Variants in ASCC3 observed in about 807,000 individuals in gnomAD.
The protein encoded by ASCC3 is activating signal cointegrator 1 complex subunit 3, also known as ASC-1 complex subunit P200.
ASCC3 carries 158 observed loss-of-function variants against 256.3 expected under a neutral mutation model. The ratio of observed to expected loss-of-function variants is 0.62; its 90% CI spans 0.54 to 0.70. The LOEUF is 0.70. ASCC3 is among the 30% of genes least tolerant of loss of function. ASCC3 has a pLI of 0.00. For synonymous variants in ASCC3, 948 were observed against 883.4 expected (o/e 1.07, Z -1.30); for missense variants, 2,259 against 2,626.0 (o/e 0.86, Z 3.05).
chr6:100,831,027 A>G (rs1771594084), intron 4 of ASCC3, among the ~76,000 whole-genome samples: 1 of 152,176 alleles, frequency 6.6e-6, no homozygotes, highest in African/African-American at 2.4e-5. Context: ...CTAGTTTTCA[A>G]TTTTAACCCT....
rs114546368 is a variant in ASCC3 at position 100,570,519 on chromosome 6, T to A, written c.5550+19115A>T. ...TGGTTTCCAGGACAATGCACTCTCC[T>A]GGATGTTTTCCTTTTTGCTTATTGT... On this transcript the variant is annotated intron_variant, in intron 36 of 41. Coordinates refer to ENST00000369162, the MANE Select transcript of ASCC3 (RefSeq NM_006828.4). 4.8e-4 allele frequency among the ~76,000 whole-genome samples: 73 copies of A among 152,292 alleles called. 1 individual carries two copies. Among genetic ancestry groups the A allele is most frequent in the African/African-American group, 1.7e-3 (69 of 41,572 alleles).
intron 10 of ASCC3, among the ~76,000 whole-genome samples, chr6:100,741,740 T>C (rs1429305070): frequency 2.0e-5 from 3 of 152,212 alleles, no homozygotes; most frequent in Non-Finnish European, 4.4e-5. Flanking sequence ...AGGTTGGTTA[T>C]GTTTATCTCA....
At chr6:100,727,032 A>C (rs1350355253) in intron 10 of ASCC3, among the ~76,000 whole-genome samples, 1 of 152,050 alleles carries the variant, frequency 6.6e-6, no homozygotes, top group Non-Finnish European at 1.5e-5. Flanking sequence ...AAACCAAAGG[A>C]CCTAAGACTT....
chr6:100,680,850 G>A (rs75239512), intron 13 of ASCC3, among the ~76,000 whole-genome samples: 4,305 of 152,192 alleles, frequency 0.028, 180 homozygotes, highest in East Asian at 0.19. Flanking sequence ...TTAAAACTTT[G>A]ATGTTTTTTG....
chr6:100,700,205 C>T (rs1010798590), intron 13 of ASCC3, among the ~76,000 whole-genome samples: 1 of 152,124 alleles, frequency 6.6e-6, no homozygotes, highest in South Asian at 2.1e-4. Flanking sequence ...ATGCTGCGTG[C>T]AGCCTAGGGA....
chr6:100,634,842 G>A (rs1294335106), intron 25 of ASCC3, among the ~76,000 whole-genome samples: 6 of 134,702 alleles, frequency 4.5e-5, no homozygotes, highest in Non-Finnish European at 9.1e-5. Flanking sequence ...GCAACACAGC[G>A]AGACCCCATC....
chr6:100,760,593 CA>C (rs1781377236), intron 10 of ASCC3, among the ~76,000 whole-genome samples: 1 of 151,962 alleles, frequency 6.6e-6, no homozygotes, highest in African/African-American at 2.4e-5. Context: ...ACCCTTGAAA[CA>C]AATTAAAAAA....
At chr6:100,688,560 T>C (rs1777692539) in intron 13 of ASCC3, among the ~76,000 whole-genome samples, 1 of 152,188 alleles carries the variant, frequency 6.6e-6, no homozygotes, top group Admixed American at 6.5e-5. Context: ...CCTGGCTGCT[T>C]CCAGATACAA....
intron 22 of ASCC3, among the ~76,000 whole-genome samples, chr6:100,644,378 C>A (rs1226139967): frequency 6.6e-6 from 1 of 152,106 alleles, no homozygotes; most frequent in Non-Finnish European, 1.5e-5. Flanking sequence ...GTAGTCACTA[C>A]CTTTTCCTTA....
chr6:100,631,090 A>G, intron 26 of ASCC3, 38 bp downstream of exon 26: 1 of 1,455,900 alleles, frequency 6.9e-7, no homozygotes, highest in Non-Finnish European at 9.6e-7. Flanking sequence ...CTTTTAGTCA[A>G]TTCAAAGCGT....
In ASCC3 at chr6:100,650,721, G is replaced by A; in HGVS notation, c.3076-7C>T. ...CTATTTCCTCTTCTCTGACCTAGAA[G>A]AATCAATGTATTTATTGGAATTTTG... On this transcript the variant is annotated splice_region_variant and splice_polypyrimidine_tract_variant and intron_variant, in intron 19 of 41. Transcript: ENST00000369162. 6.2e-7 allele frequency: 1 copy of A among 1,604,362 alleles called. No homozygotes were observed. Among genetic ancestry groups the A allele is most frequent in the East Asian group, 2.2e-5 (1 of 44,636 alleles).
chr6:100,621,776 G>A (rs1285326370), intron 30 of ASCC3, among the ~76,000 whole-genome samples: 1 of 152,124 alleles, frequency 6.6e-6, no homozygotes, highest in East Asian at 1.9e-4. Context: ...CTATTATAAA[G>A]ATACGTGCAC....
At chr6:100,607,690 T>C (rs454747) in intron 30 of ASCC3, among the ~76,000 whole-genome samples, 79,086 of 151,456 alleles carry the variant, frequency 0.52, 20,859 homozygotes, top group East Asian at 0.68. Flanking sequence ...ATTCATCCTA[T>C]ATGTAAATTT....
chr6:100,707,638 A>G (rs1778666096), intron 13 of ASCC3, among the ~76,000 whole-genome samples: 1 of 152,142 alleles, frequency 6.6e-6, no homozygotes, highest in Non-Finnish European at 1.5e-5. Context: ...GGGTAAAACA[A>G]AAGTGTGCCA....
At chr6:100,672,473 G>C (rs1428414644) in intron 14 of ASCC3, among the ~76,000 whole-genome samples, 1 of 151,892 alleles carries the variant, frequency 6.6e-6, no homozygotes, top group African/African-American at 2.4e-5. Flanking sequence ...GGCAAGATCT[G>C]GATGATGGAA....
chr6:100,847,654 A>G (rs1772448224), intron 4 of ASCC3, among the ~76,000 whole-genome samples: 1 of 152,160 alleles, frequency 6.6e-6, no homozygotes, highest in Non-Finnish European at 1.5e-5. Context: ...TTCAATCCTT[A>G]TAACAATTAT....
rs138928522 is a variant in ASCC3, at chr6:100,681,595, T to C, written c.2152-1843A>G. Reference sequence around the variant, plus strand: ...TACAAAAATTAGCGGGGCGTGGTGGTGCGTGCCTGTAATCTCAGCTACTCA... The same window carrying C: ...TACAAAAATTAGCGGGGCGTGGTGGCGCGTGCCTGTAATCTCAGCTACTCA... On this transcript the variant is annotated intron_variant, in intron 13 of 41. Transcript: ENST00000369162. 6.7e-4 allele frequency among the ~76,000 whole-genome samples: 101 copies of C among 151,502 alleles called. 2 individuals are homozygous for C. The highest frequency in any genetic ancestry group is 3.4e-3 in the Middle Eastern group (1 of 290).
At chr6:100,804,765 A>C (rs1770086210) in intron 5 of ASCC3, among the ~76,000 whole-genome samples, 1 of 152,144 alleles carries the variant, frequency 6.6e-6, no homozygotes, top group Non-Finnish European at 1.5e-5. Flanking sequence ...ATGTTGGCTC[A>C]GCCGCAGAAA....
intron 30 of ASCC3, among the ~76,000 whole-genome samples, chr6:100,612,086 T>C (rs998876600): frequency 2.0e-5 from 3 of 151,900 alleles, no homozygotes; most frequent in Admixed American, 6.6e-5. Context: ...TTTCTTAAGG[T>C]TGGGGGGAGG....
Sources: allele counts gnomAD v4.1 joint callset (sites outside exome capture counted in the v4.1 genomes callset), GRCh38; gene constraint gnomAD v4.1.1; transcripts MANE v1.5; gene names NCBI Gene and HGNC (gene_info 2026-07-23, HGNC 2026-07-21).